Variants in EML6 observed in about 807,000 individuals in gnomAD.
EML6 encodes EMAP like 6.
EML6 carries 154 observed loss-of-function variants against 240.1 expected under a neutral mutation model. That is an observed-to-expected ratio of 0.64 (90% CI 0.56 to 0.73). EML6 has a LOEUF of 0.73. EML6 is among the 30% of genes least tolerant of loss of function. The pLI, the probability that EML6 is intolerant of heterozygous loss-of-function variation, is 0.00. For missense variants in EML6, 2,964 were observed against 2,474.6 expected, an observed-to-expected ratio of 1.20 and a Z score of -4.20; for synonymous variants, 1,148 against 899.0, an observed-to-expected ratio of 1.28 and a Z score of -4.95.
At chr2:54,847,684 C>T in intron 9 of EML6, 61 bp downstream of exon 9, 3 of 1,531,674 alleles carry the variant, frequency 2.0e-6, no homozygotes, top group Non-Finnish European at 2.6e-6. Context: ...TTACAATTTT[C>T]CTGGTCATAA....
chr2:54,847,021 C>T (rs1669798690), intron 8 of EML6, among the ~76,000 whole-genome samples: 1 of 149,808 alleles, frequency 6.7e-6, no homozygotes, highest in South Asian at 2.1e-4. Context: ...GATCCTCCTG[C>T]CTGTGCCCCC....
intron 12 of EML6, among the ~76,000 whole-genome samples, chr2:54,861,789 CTAATG>C (rs201679044): frequency 0.056 from 8,148 of 144,754 alleles, 333 homozygotes; most frequent in South Asian, 0.15. Context: ...TTTTTTTAAT[CTAATG>C]CACAGAAACC....
intron 28 of EML6, among the ~76,000 whole-genome samples, chr2:54,932,265 G>A (rs1018039909): frequency 6.6e-6 from 1 of 152,176 alleles, no homozygotes; most frequent in African/African-American, 2.4e-5. Flanking sequence ...CTGCCTCCAT[G>A]ACCCAGACTC....
chr2:54,931,573 C>T (rs1033722304), intron 28 of EML6, among the ~76,000 whole-genome samples: 1 of 152,180 alleles, frequency 6.6e-6, no homozygotes, highest in Non-Finnish European at 1.5e-5. Context: ...CAACTTCAAG[C>T]CCTGCTTGAA....
At chr2:54,941,034 A>G (rs1224192949) in intron 28 of EML6, among the ~76,000 whole-genome samples, 2 of 152,246 alleles carry the variant, frequency 1.3e-5, no homozygotes, top group African/African-American at 2.4e-5. Context: ...AAATCACCGT[A>G]TATAAGTAAT....
At chr2:54,866,505 C>T (rs1670978176) in intron 13 of EML6, among the ~76,000 whole-genome samples, 1 of 151,974 alleles carries the variant, frequency 6.6e-6, no homozygotes, top group African/African-American at 2.4e-5. Context: ...TACTTAATTT[C>T]CTTTAAAATT....
In EML6 at chr2:54,927,320, A is replaced by T. The variant is rs1053972650; in HGVS notation, c.3676-993A>T. ...CCCTCCTGCACCTGTTTCCTGCTGT[A>T]TGTCTGTGCTGTTTTCAGATTCTCT... is the stretch of plus-strand genomic sequence containing the variant. On this transcript the variant is annotated intron_variant, in intron 26 of 41. Transcript: ENST00000356458. Among the ~76,000 whole-genome samples, 14 of 152,252 alleles carry T rather than the reference A, an allele frequency of 9.2e-5. No individual in the cohort carries two copies. In the East Asian group the frequency reaches 2.7e-3, roughly 29 times the overall value.
chr2:54,961,194 T>TTTTTTGTTTTTTTTTTTTTTTTTTG lies in EML6; in HGVS notation c.4968+865_4968+866insGTTTTTTTTTTTTTTTTTTGTTTTT, dbSNP rs1558729646. On this transcript the variant is annotated intron_variant, in intron 35 of 41. Transcript: ENST00000356458. ...AGTTATCAGGAAGTAGTTTTTTTTT[T>TTTTTTGTTTTTTTTTTTTTTTTTTG]TTTTTTTTTGAGACGGAGTCTTGCT... Among the ~76,000 whole-genome samples the TTTTTTGTTTTTTTTTTTTTTTTTTG allele has an allele frequency of 2.2e-4, 25 of 116,240 alleles. 4 individuals carry two copies. Among genetic ancestry groups the TTTTTTGTTTTTTTTTTTTTTTTTTG allele is most frequent in the South Asian group, 2.1e-3 (7 of 3,288 alleles). 76.3% of individuals were successfully genotyped at this position (116,240 alleles called of 152,430 possible).
At chr2:54,738,640 A>G (rs1040673554) in intron 2 of EML6, among the ~76,000 whole-genome samples, 1 of 152,196 alleles carries the variant, frequency 6.6e-6, no homozygotes. Flanking sequence ...TGCTTAAGGT[A>G]CTTTTAAAAG....
At chr2:54,916,717 C>G (rs758108406) in intron 25 of EML6, 42 bp from the exon 26 acceptor site, 622 of 1,435,342 alleles carry the variant, frequency 4.3e-4, no homozygotes, top group Non-Finnish European at 5.7e-4. Context: ...ATAAAACAAA[C>G]TAGGTTGTGC....
chr2:54,969,498 C>T (rs919652283), intron 41 of EML6, among the ~76,000 whole-genome samples: 2 of 152,188 alleles, frequency 1.3e-5, no homozygotes, highest in Admixed American at 6.5e-5. Context: ...GCACTTATAG[C>T]CCTTGAGATA....
At chr2:54,911,637 A>C (rs1673645141) in intron 25 of EML6, among the ~76,000 whole-genome samples, 1 of 152,084 alleles carries the variant, frequency 6.6e-6, no homozygotes, top group African/African-American at 2.4e-5. Flanking sequence ...GGGTTTCCCC[A>C]TGTTGGCCAG....
chr2:54,924,176 T>C (rs889914506), intron 26 of EML6, among the ~76,000 whole-genome samples: 1 of 152,218 alleles, frequency 6.6e-6, no homozygotes, highest in Admixed American at 6.5e-5. Context: ...ATATAACATT[T>C]TAAGAAACTG....
At chr2:54,893,484 C>T (rs529028082) in intron 19 of EML6, among the ~76,000 whole-genome samples, 21 of 152,270 alleles carry the variant, frequency 1.4e-4, no homozygotes, top group Middle Eastern at 3.4e-3. Context: ...GGGCAGACCC[C>T]TCATGGTCTA....
intron 14 of EML6, 165 bp downstream of exon 14, chr2:54,867,049 T>A (rs1290938540): frequency 2.0e-6 from 1 of 499,068 alleles, no homozygotes; most frequent in Non-Finnish European, 3.7e-6. Context: ...ATTTTAAGTG[T>A]GACTCTCTAT....
intron 35 of EML6, among the ~76,000 whole-genome samples, chr2:54,961,909 C>T (rs1676535367): frequency 6.6e-6 from 1 of 151,538 alleles, no homozygotes; most frequent in Non-Finnish European, 1.5e-5. Context: ...GAGGCTGAGG[C>T]AGGAGAATCG....
chr2:54,808,161 G>T (rs551546868), intron 2 of EML6, among the ~76,000 whole-genome samples: 39 of 152,298 alleles, frequency 2.6e-4, no homozygotes, highest in South Asian at 2.5e-3. Flanking sequence ...AAGCCCACCA[G>T]GAAGGCAGGG....
intron 5 of EML6, among the ~76,000 whole-genome samples, chr2:54,821,893 A>G (rs1184793449): frequency 1.3e-5 from 2 of 152,112 alleles, no homozygotes; most frequent in African/African-American, 4.8e-5. Flanking sequence ...TAACTGCTCA[A>G]ATTGGAGAAA....
At chr2:54,914,888 A>T (rs1673828112) in intron 25 of EML6, among the ~76,000 whole-genome samples, 1 of 152,198 alleles carries the variant, frequency 6.6e-6, no homozygotes. Context: ...AATCCATCTG[A>T]TACAAATGGT....
Sources: allele counts gnomAD v4.1 joint callset (sites outside exome capture counted in the v4.1 genomes callset), GRCh38; gene constraint gnomAD v4.1.1; transcripts MANE v1.5; gene names NCBI Gene and HGNC (gene_info 2026-07-23, HGNC 2026-07-21).